RSRC1: variants seen among roughly 807,000 people sequenced by gnomAD.
RSRC1 encodes serine/Arginine-related protein 53.
A neutral mutation model predicts 49.1 loss-of-function variants in RSRC1; 39 were observed. The observed-to-expected ratio is 0.79, with a 90% CI of 0.61 to 1.04. RSRC1 has a LOEUF of 1.04. Among genes scored for constraint, RSRC1 ranks in the 50% least tolerant of loss-of-function variants. RSRC1 has a pLI of 0.00. For synonymous variants in RSRC1, 143 were observed against 130.8 expected (o/e 1.09, Z -0.63); for missense variants, 388 against 402.4 (o/e 0.96, Z 0.31).
intron 6 of RSRC1, among the ~76,000 whole-genome samples, chr3:158,429,047 A>C (rs1025925947): frequency 5.3e-5 from 8 of 151,828 alleles, no homozygotes; most frequent in African/African-American, 1.9e-4. Context: ...CACCGCCCTG[A>C]GAGGTAGAGG....
At position 158,145,615 on chromosome 3, in the gene RSRC1, G is replaced by C. The variant is rs1410855403; in HGVS notation, c.320+21624G>C. ...GCTTAGGATTGACTTGGCAATGCGG[G>C]CTCTTTTTTGGTTCCATATGAACTT... On this transcript the variant is annotated intron_variant, in intron 3 of 9. Transcript: ENST00000611884. Among the ~76,000 whole-genome samples, 3 of 152,246 alleles carry C rather than the reference G, an allele frequency of 2.0e-5. No individual in the cohort carries two copies. The East Asian group carries it at 5.8e-4, about 29-fold the overall frequency.
intron 1 of RSRC1, among the ~76,000 whole-genome samples, chr3:158,118,003 GCAGTGGCACAATGTTGGCT>G (rs2108156414): frequency 6.6e-6 from 1 of 152,142 alleles, no homozygotes; most frequent in East Asian, 1.9e-4. Context: ...AGGCTGGAAT[GCAGTGGCACAATGTTGGCT>G]CACTGTAGCC....
chr3:158,452,250 G>A (rs1346785369), intron 6 of RSRC1, among the ~76,000 whole-genome samples: 6 of 152,034 alleles, frequency 3.9e-5, no homozygotes, highest in Admixed American at 2.6e-4. Flanking sequence ...ATTTTCGTGG[G>A]CCTTTCATTT....
intron 7 of RSRC1, among the ~76,000 whole-genome samples, chr3:158,470,353 CACACACACAT>C (rs1341073114): frequency 8.3e-5 from 10 of 120,120 alleles, no homozygotes; most frequent in African/African-American, 3.1e-4. Context: ...CACACACACA[CACACACACAT>C]ATATATATAT....
chr3:158,475,406 C>G (rs1364481573), intron 7 of RSRC1, among the ~76,000 whole-genome samples: 1 of 152,142 alleles, frequency 6.6e-6, no homozygotes, highest in Middle Eastern at 3.2e-3. Context: ...TTTTATTGCA[C>G]TTGGCAATAA....
intron 6 of RSRC1, among the ~76,000 whole-genome samples, chr3:158,454,579 A>T (rs967664362): frequency 5.9e-5 from 9 of 152,124 alleles, no homozygotes; most frequent in African/African-American, 1.9e-4. Context: ...AGTTACCAAG[A>T]TGCAATCAGT....
chr3:158,501,716 C>T (rs1739607979), intron 7 of RSRC1, among the ~76,000 whole-genome samples: 1 of 151,996 alleles, frequency 6.6e-6, no homozygotes, highest in Non-Finnish European at 1.5e-5. Flanking sequence ...CTTTTCTGCC[C>T]CTTTACTTTA....
intron 6 of RSRC1, among the ~76,000 whole-genome samples, chr3:158,435,205 G>C (rs972235839): frequency 2.0e-5 from 3 of 151,728 alleles, no homozygotes. Flanking sequence ...AGTGTTTGAA[G>C]TGAAATCTCT....
At chr3:158,512,546 T>C (rs547131331) in intron 7 of RSRC1, among the ~76,000 whole-genome samples, 15 of 152,310 alleles carry the variant, frequency 9.8e-5, no homozygotes, top group Admixed American at 8.5e-4. Flanking sequence ...AGTCAGGTAG[T>C]GTGATGCCTC....
intron 3 of RSRC1, among the ~76,000 whole-genome samples, chr3:158,186,076 G>A (rs574343681): frequency 2.6e-5 from 4 of 151,828 alleles, no homozygotes; most frequent in Non-Finnish European, 5.9e-5. Context: ...TCAAAGCAGA[G>A]CTATAAGGAC....
chr3:158,119,369 T>G (rs1360061829), intron 1 of RSRC1, among the ~76,000 whole-genome samples: 7 of 152,256 alleles, frequency 4.6e-5, no homozygotes, highest in Non-Finnish European at 8.8e-5. Flanking sequence ...ACATATCTCA[T>G]GTTCCTGTTG....
chr3:158,147,361 C>T (rs1297957743), intron 3 of RSRC1, among the ~76,000 whole-genome samples: 1 of 151,894 alleles, frequency 6.6e-6, no homozygotes, highest in East Asian at 1.9e-4. Flanking sequence ...TCATCTCAAC[C>T]TCCTGAGTAG....
intron 6 of RSRC1, among the ~76,000 whole-genome samples, chr3:158,424,746 A>T (rs1272224855): frequency 6.6e-6 from 1 of 152,044 alleles, no homozygotes; most frequent in Non-Finnish European, 1.5e-5. Flanking sequence ...GATTATTGCC[A>T]CAATTTCAGC....
chr3:158,180,389 G>A (rs751844201), intron 3 of RSRC1, among the ~76,000 whole-genome samples: 34 of 120,548 alleles, frequency 2.8e-4, no homozygotes, highest in Non-Finnish European at 5.1e-4. Context: ...TTTAGGTCGA[G>A]GTTCTTTTTT....
chr3:158,279,202 C>T (rs1725992121), intron 4 of RSRC1, among the ~76,000 whole-genome samples: 1 of 152,064 alleles, frequency 6.6e-6, no homozygotes, highest in Non-Finnish European at 1.5e-5. Context: ...TTTTTGTGTG[C>T]CTTGAGCAGC....
At chr3:158,542,321 AG>A (rs1483761454) in intron 8 of RSRC1, among the ~76,000 whole-genome samples, 1 of 152,200 alleles carries the variant, frequency 6.6e-6, no homozygotes, top group Non-Finnish European at 1.5e-5. Flanking sequence ...ACTTGAGGAC[AG>A]GAGTTCGAGA....
At chr3:158,229,178 G>T (rs1187403984) in intron 4 of RSRC1, among the ~76,000 whole-genome samples, 2 of 142,998 alleles carry the variant, frequency 1.4e-5, no homozygotes, top group African/African-American at 5.1e-5. Context: ...AAACATATGT[G>T]TATGTGTAAA....
chr3:158,319,274 T>G (rs2108162304), intron 5 of RSRC1, among the ~76,000 whole-genome samples: 1 of 152,204 alleles, frequency 6.6e-6, no homozygotes, highest in Non-Finnish European at 1.5e-5. Context: ...AATCGGATAG[T>G]TTAAGAGTGG....
chr3:158,332,577 C>T (rs1472722337), intron 5 of RSRC1, among the ~76,000 whole-genome samples: 1 of 152,072 alleles, frequency 6.6e-6, no homozygotes, highest in African/African-American at 2.4e-5. Context: ...TATAAACATA[C>T]TTTGTACTTA....
Sources: gnomAD v4.1 joint callset for allele counts (sites outside exome capture counted in the v4.1 genomes callset) on GRCh38, gnomAD v4.1.1 for gene constraint, MANE v1.5 for transcripts, NCBI Gene and HGNC (gene_info 2026-07-23, HGNC 2026-07-21) for gene names.